Variants in ADGRB2 observed in about 807,000 individuals in gnomAD.
ADGRB2 encodes the protein brain-specific angiogenesis inhibitor 2.
A neutral mutation model predicts 178.7 loss-of-function variants in ADGRB2; 47 were observed. The observed-to-expected ratio is 0.26, with a 90% CI of 0.21 to 0.34. The LOEUF (loss-of-function observed/expected upper bound fraction) is 0.34, where lower values mean the gene tolerates loss of function less well. Among genes scored for constraint, ADGRB2 ranks in the 10% least tolerant of loss-of-function variants. The probability of loss-of-function intolerance (pLI) is 1.00; values close to 1 mark genes in which losing one functional copy is unlikely to be tolerated. For missense variants in ADGRB2, 1,584 were observed against 2,180.8 expected (o/e 0.73, Z 5.45); for synonymous variants, 870 against 912.4 (o/e 0.95, Z 0.84).
At chr1:31,743,029 TG>T in intron 6 of ADGRB2, 27 bp from the exon 7 acceptor site, 1 of 1,382,942 alleles carries the variant, frequency 7.2e-7, no homozygotes. Flanking sequence ...GGCCGGTGGC[TG>T]GGCGGCACCA....
chr1:31,747,933 T>A (rs772768590), intron 4 of ADGRB2, among the ~76,000 whole-genome samples: 1 of 152,210 alleles, frequency 6.6e-6, no homozygotes, highest in Non-Finnish European at 1.5e-5. Context: ...CCCCTATTTA[T>A]TCACAAACAC....
In ADGRB2 at chr1:31,758,189, C is replaced by T. The variant is rs556952361; in HGVS notation, c.-190-678G>A. Among the ~76,000 whole-genome samples the T allele has an allele frequency of 6.6e-6, 1 of 152,216 alleles. No homozygotes were observed. Among genetic ancestry groups the T allele is most frequent in the Admixed American group, 6.5e-5 (1 of 15,280 alleles). On this transcript the variant is annotated intron_variant, in intron 1 of 32. Coordinates refer to ENST00000373658, the MANE Select transcript of ADGRB2 (RefSeq NM_001364857.2). The surrounding 1 kb of genome is among the most constrained non-coding windows in gnomAD (Gnocchi z 4.2). ...AGGATAGCTCACAGCACTGCATGGG[C>T]CCCCTAGAGCCCAGCTGGTCCTCAT...
chr1:31,737,888 G>A, intron 18 of ADGRB2, 133 bp from the exon 19 acceptor site: 2 of 865,242 alleles, frequency 2.3e-6, no homozygotes, highest in Non-Finnish European at 3.6e-6. Flanking sequence ...TTGTACTCAT[G>A]TATGCACAGA....
Position 31,740,678 on chromosome 1 carries a change from G to T in ADGRB2, c.1795-137C>A. The T allele has an allele frequency of 1.2e-6, 1 of 862,486 alleles. No individual in the cohort carries two copies. The highest frequency in any genetic ancestry group is 1.7e-6 in the Non-Finnish European group (1 of 580,000). 53.4% of individuals were successfully genotyped at this position (862,486 alleles called of 1,614,324 possible). On this transcript the variant is annotated intron_variant, in intron 11 of 32. Coordinates refer to ENST00000373658, the MANE Select transcript of ADGRB2 (RefSeq NM_001364857.2). The surrounding 1 kb of genome is among the most constrained non-coding windows in gnomAD (Gnocchi z 5.9). ...GAAAAGGTCAGAGAGGCTCAAAGGG[G>T]CACACAGGGGAGACAGAGTCCGAGA...
Position 31,742,845 on chromosome 1 carries a change from G to A in ADGRB2, c.1245C>T (p.Ala415=). The change falls in exon 7 of 33, where the codon GCC becomes GCT. Residue 415 remains alanine (A), a synonymous_variant. Coordinates refer to ENST00000373658, the MANE Select transcript of ADGRB2 (RefSeq NM_001364857.2). ...CCCACGGGTGCTACTGACCCGGGCA[G>A]GCAGCCATACTGCAGAGCTTAGTCT... is the stretch of plus-strand genomic sequence containing the variant. ...ELQTKLCSMA[A]CPVEGQWLEW... The A allele has an allele frequency of 1.4e-6, 2 of 1,478,532 alleles. No individual in the cohort carries two copies. The highest frequency in any genetic ancestry group is 2.0e-4 in the Middle Eastern group (1 of 4,996). The allele number at this position is 1,478,532 out of a possible 1,614,324, so 91.6% of individuals were successfully genotyped here.
chr1:31,739,857 T>C, intron 14 of ADGRB2, 69 bp downstream of exon 14: 1 of 1,429,418 alleles, frequency 7.0e-7, no homozygotes, highest in Non-Finnish European at 9.8e-7. Context: ...CGGGGTTAGG[T>C]AGAGGAAAGA....
In ADGRB2 at chr1:31,743,022, C is replaced by A. The variant is rs1202690307; in HGVS notation, c.1088-20G>T. The A allele has an allele frequency of 4.3e-6, 6 of 1,406,096 alleles. No individual in the cohort carries two copies. The highest frequency in any genetic ancestry group is 2.8e-6 in the Non-Finnish European group (3 of 1,075,160). 87.1% of individuals were successfully genotyped at this position (1,406,096 alleles called of 1,614,324 possible). A position where few individuals can be genotyped will look rare whatever the true frequency, so the allele number is the denominator to read the frequency against. ...CGTGCACTGCAAGGAAGCACGTGGC[C>A]GGTGGCTGGGCGGCACCATGGCCCC... On this transcript the variant is annotated intron_variant, in intron 6 of 32. Transcript: ENST00000373658.
intron 20 of ADGRB2, 84 bp from the exon 21 acceptor site, chr1:31,736,807 C>A: frequency 6.6e-7 from 1 of 1,510,498 alleles, no homozygotes; most frequent in South Asian, 1.3e-5. Context: ...CGCTGCTGGG[C>A]GCTGCCACAG....
chr1:31,763,035 A>C (rs1200541144), intron 1 of ADGRB2, among the ~76,000 whole-genome samples: 1 of 152,200 alleles, frequency 6.6e-6, no homozygotes, highest in Non-Finnish European at 1.5e-5. Context: ...CCCCCTCCGG[A>C]TCATGCCGGC....
chr1:31,737,660 G>T lies in ADGRB2; in HGVS notation c.2868C>A (p.Ala956=), dbSNP rs745977181. ...ALLTLLAIYA[A]FWRFIKSERS... ...CCAGGTGTCAGACCTACCTCCAAAA[G>T]GCGGCATAGATGGCGAGCAGGGTGA... Residue 956 remains alanine, a synonymous_variant, in exon 19 of 33, where the codon GCC becomes GCA. Transcript: ENST00000373658. 6.2e-7 allele frequency: 1 copy of T among 1,613,754 alleles called. No homozygotes were observed. The highest frequency in any genetic ancestry group is 1.7e-5 in the Admixed American group (1 of 60,016).
In ADGRB2 at chr1:31,739,526, G is replaced by A. The variant is rs754996288; in HGVS notation, c.2277C>T (p.Leu759=). 5.6e-6 allele frequency: 9 copies of A among 1,613,040 alleles called. No individual in the cohort carries two copies. The Admixed American group carries it at 1.5e-4, about 27-fold the overall frequency. The part of the protein sequence containing the change: ...KDWVRHSEDR[L]FLPKEVLSLS... ...GGCTGAGCACCTCCTTGGGCAGGAA[G>A]AGGCGGTCCTCTGAGTGCCGCACCC... The change falls in exon 15 of 33, where the codon CTC becomes CTT. Residue 759 remains leucine (L), a synonymous_variant. Transcript: ENST00000373658.
At chr1:31,732,391 C>A in intron 27 of ADGRB2, 126 bp downstream of exon 27, 1 of 1,259,860 alleles carries the variant, frequency 7.9e-7, no homozygotes, top group Non-Finnish European at 1.1e-6. Flanking sequence ...AGTGGCTGAG[C>A]CTGAATCAAA....
chr1:31,736,783 G>C (rs535247754), intron 20 of ADGRB2, 60 bp from the exon 21 acceptor site: 1 of 1,563,722 alleles, frequency 6.4e-7, no homozygotes. Flanking sequence ...AGGAGGCGCC[G>C]GGCTTCCCAC....
rs746057051 is a variant in ADGRB2, at chr1:31,739,672, G to A, written c.2168-37C>T. 3 of 1,541,822 alleles carry A rather than the reference G, an allele frequency of 1.9e-6. No individual in the cohort carries two copies. The Admixed American group carries it at 5.8e-5, about 30-fold the overall frequency. On this transcript the variant is annotated intron_variant, in intron 14 of 32. Coordinates refer to ENST00000373658, the MANE Select transcript of ADGRB2 (RefSeq NM_001364857.2). ...GGAGGGTGGACAGAGACAGACAGAG[G>A]GGCAGAAACAAAGGGTGGCAGACCA... is the stretch of plus-strand genomic sequence containing the variant.
chr1:31,731,351 C>G lies in ADGRB2; in HGVS notation c.3829G>C (p.Asp1277His), dbSNP rs556045943. The change falls in exon 29 of 33, where the codon GAT becomes CAT. Residue 1277 changes from aspartate (D) to histidine (H), a missense_variant. Around this residue, in one of 3 missense-constraint regions of ADGRB2, gnomAD observed 865 missense variants for 1,192.8 expected, o/e 0.73. Coordinates refer to ENST00000373658, the MANE Select transcript of ADGRB2 (RefSeq NM_001364857.2). ...ITGTLSRLSLDEDEEPKSCLV... is the reference protein window; with the variant it reads ...ITGTLSRLSLHEDEEPKSCLV... ...CAGGACTTGGGCTCCTCATCCTCAT[C>G]CAGGGACAGGCGGGATAGTGTGCCC... 6.2e-7 allele frequency: 1 copy of G among 1,612,876 alleles called. No individual in the cohort carries two copies. The highest frequency in any genetic ancestry group is 1.1e-5 in the South Asian group (1 of 91,042).
At position 31,764,126 on chromosome 1, in the gene ADGRB2, G is replaced by T. The variant is rs1276228719; in HGVS notation, c.-433C>A. On this transcript the variant is annotated 5_prime_UTR_variant, in exon 1 of 33. Transcript: ENST00000373658. The surrounding 1 kb of genome is among the most constrained non-coding windows in gnomAD (Gnocchi z 7.3). ...GGCTCCTGCCGCCGCCGCCGCCGCC[G>T]CCTCCTTGCCGCGCCGCCCCCCGCT... 7 of 866,592 alleles carry T rather than the reference G, an allele frequency of 8.1e-6. No individual in the cohort carries two copies. Among genetic ancestry groups the T allele is most frequent in the African/African-American group, 3.7e-5 (2 of 53,734 alleles). 53.7% of individuals were successfully genotyped at this position (866,592 alleles called of 1,614,324 possible). A position where few individuals can be genotyped will look rare whatever the true frequency, so the allele number is the denominator to read the frequency against.
At chr1:31,743,944 A>G (rs972996988) in intron 6 of ADGRB2, among the ~76,000 whole-genome samples, 1 of 152,234 alleles carries the variant, frequency 6.6e-6, no homozygotes, top group South Asian at 2.1e-4. Context: ...GGTTACCAGG[A>G]TGCAGGCACT....
chr1:31,755,917 G>A lies in ADGRB2; in HGVS notation c.838+82C>T. The A allele has an allele frequency of 6.6e-7, 1 of 1,521,672 alleles. No homozygotes were observed. Among genetic ancestry groups the A allele is most frequent in the Non-Finnish European group, 8.9e-7 (1 of 1,127,718 alleles). The allele number at this position is 1,521,672 out of a possible 1,614,324, so 94.3% of individuals were successfully genotyped here. A position where few individuals can be genotyped will look rare whatever the true frequency, so the allele number is the denominator to read the frequency against. On this transcript the variant is annotated intron_variant, in intron 4 of 32. Coordinates refer to ENST00000373658, the MANE Select transcript of ADGRB2 (RefSeq NM_001364857.2). This position sits in a 1 kb window ranked among gnomAD's most constrained non-coding sequence, Gnocchi z 5.1. ...ACATCAGTGAACAGCTACATGCATG[G>A]CCGAGGATCTGCCAGGATGGACACC...
chr1:31,728,750 A>C lies in ADGRB2; in HGVS notation c.4381-117T>G. ...GTCTGCCCGCTGCACCTTCCCCCCAACCCAGGCCCAGAAGTTGCGGACCTT... is the reference window on the plus strand; with the variant it reads ...GTCTGCCCGCTGCACCTTCCCCCCACCCCAGGCCCAGAAGTTGCGGACCTT... On this transcript the variant is annotated intron_variant, in intron 29 of 32. Coordinates refer to ENST00000373658, the MANE Select transcript of ADGRB2 (RefSeq NM_001364857.2). This position sits in a 1 kb window ranked among gnomAD's most constrained non-coding sequence, Gnocchi z 6.7. The C allele has an allele frequency of 1.6e-6, 2 of 1,243,938 alleles. No homozygotes were observed. Among genetic ancestry groups the C allele is most frequent in the Non-Finnish European group, 2.3e-6 (2 of 868,760 alleles). The allele number at this position is 1,243,938 out of a possible 1,614,324, so 77.1% of individuals were successfully genotyped here.
Sources: gnomAD v4.1 joint callset for allele counts (sites outside exome capture counted in the v4.1 genomes callset) on GRCh38, gnomAD v4.1.1 for gene constraint, gnomAD v4.1.1 regional missense constraint, Gnocchi (gnomAD v3.1) non-coding constraint, MANE v1.5 for transcripts, NCBI Gene and HGNC (gene_info 2026-07-23, HGNC 2026-07-21) for gene names.